TRPC4AP: variants seen among roughly 807,000 people sequenced by gnomAD.
TRPC4AP encodes short transient receptor potential channel 4-associated protein.
A neutral mutation model predicts 99.0 loss-of-function variants in TRPC4AP; 45 were observed. That is an observed-to-expected ratio of 0.45 (90% CI 0.36 to 0.58). TRPC4AP has a LOEUF of 0.58. Among genes scored for constraint, TRPC4AP ranks in the 20% least tolerant of loss-of-function variants. The pLI is 0.00. For missense variants in TRPC4AP, 879 were observed against 985.3 expected (o/e 0.89, Z 1.44); for synonymous variants, 408 against 385.8 (o/e 1.06, Z -0.67).
intron 7 of TRPC4AP, among the ~76,000 whole-genome samples, chr20:35,037,617 G>A (rs897371827): frequency 1.3e-5 from 2 of 152,098 alleles, no homozygotes; most frequent in Non-Finnish European, 2.9e-5. Flanking sequence ...CAACATTAAT[G>A]AACCACAAAA....
rs1405340917 is a variant in TRPC4AP, at chr20:35,024,848, A to AC, written c.1052-3493_1052-3492insG. Among the ~76,000 whole-genome samples the AC allele has an allele frequency of 8.1e-5, 11 of 136,000 alleles. 1 individual carries two copies. The highest frequency in any genetic ancestry group is 2.1e-4 in the African/African-American group (8 of 37,268). 89.2% of individuals were successfully genotyped at this position (136,000 alleles called of 152,430 possible). On this transcript the variant is annotated intron_variant, in intron 8 of 18. Transcript: ENST00000252015. ...CTCAAAAAAAAAAAAAAAAAAAAAAAAAAAAAATTCTGTTTATTCATTAAT... is the reference window on the plus strand; with the variant it reads ...CTCAAAAAAAAAAAAAAAAAAAAAAACAAAAAAATTCTGTTTATTCATTAAT...
rs779234207 is a variant in TRPC4AP at position 35,003,169 on chromosome 20, CTA to C, written c.2369_2370del (p.Ile790ArgfsTer6). The C allele has an allele frequency of 6.1e-5, 99 of 1,614,102 alleles. No homozygotes were observed. Among genetic ancestry groups the C allele is most frequent in the Non-Finnish European group, 7.9e-5 (93 of 1,180,034 alleles). Reference protein sequence around the residue: ...VSYIEEPYMDIDRDFTEE With the variant: ...VSYIEEPYMDXDRDFTEE ...GGTCACTCCTCAGTGAAGTCCCTGT[CTA>C]TGTCCATGTAGGGCTCCTCAATGTA... On this transcript the variant is annotated frameshift_variant, in exon 19 of 19. Transcript: ENST00000252015. LOFTEE classifies it high-confidence loss of function.
At chr20:35,010,155 G>T in intron 12 of TRPC4AP, 32 bp downstream of exon 12, 2 of 1,602,770 alleles carry the variant, frequency 1.2e-6, no homozygotes, top group Non-Finnish European at 1.7e-6. Flanking sequence ...AGCCGGGATG[G>T]GCTGAGGGAA....
At chr20:35,071,213 G>A (rs147155995) in intron 2 of TRPC4AP, among the ~76,000 whole-genome samples, 26 of 152,188 alleles carry the variant, frequency 1.7e-4, no homozygotes, top group African/African-American at 5.5e-4. Flanking sequence ...CTTCACCTCT[G>A]AAGAACACTG....
At position 35,078,793 on chromosome 20, in the gene TRPC4AP, C is replaced by T. The variant is rs776532120; in HGVS notation, c.169-619G>A. ...TAAAAGTAAGGGAAAAGGCCAGGCA[C>T]GGTGGCTCACACCTGTAATCCCAAC... On this transcript the variant is annotated intron_variant, in intron 1 of 18. Coordinates refer to ENST00000252015, the MANE Select transcript of TRPC4AP (RefSeq NM_015638.3). 2.6e-5 allele frequency among the ~76,000 whole-genome samples: 4 copies of T among 152,312 alleles called. No individual in the cohort carries two copies. In the East Asian group the frequency reaches 5.8e-4, roughly 22 times the overall value.
chr20:35,004,586 G>A lies in TRPC4AP; in HGVS notation c.1937-16C>T. On this transcript the variant is annotated splice_polypyrimidine_tract_variant and intron_variant, in intron 16 of 18. Transcript: ENST00000252015. ...ACCTCGGCAACTGTGGAGGGAGGCA[G>A]GGGTGCAGCAGGTCAGGCTTAGGCC... 2 of 1,610,028 alleles carry A rather than the reference G, an allele frequency of 1.2e-6. No homozygotes were observed. The highest frequency in any genetic ancestry group is 1.7e-6 in the Non-Finnish European group (2 of 1,177,574).
intron 10 of TRPC4AP, among the ~76,000 whole-genome samples, chr20:35,015,461 C>CTT (rs57896641): frequency 0.38 from 48,474 of 125,930 alleles, 10,450 homozygotes; most frequent in East Asian, 0.57. Context: ...CAGGCAGGAA[C>CTT]TTTTTTTTTT....
At chr20:35,016,291 C>T in intron 9 of TRPC4AP, 152 bp from the exon 10 acceptor site, 1 of 840,148 alleles carries the variant, frequency 1.2e-6, no homozygotes, top group Non-Finnish European at 1.8e-6. Flanking sequence ...ATCCGTGTAT[C>T]CCCTATGCCC....
chr20:35,092,785 T>C lies in TRPC4AP; in HGVS notation c.-4A>G. On this transcript the variant is annotated 5_prime_UTR_variant, in exon 1 of 19. Transcript: ENST00000252015. Reference sequence around the variant, plus strand: ...CCGCTACCGGCGCCGCCGCCATGTCTCCTCGTCGGACAAACAGGAAGCAAG... The same window carrying C: ...CCGCTACCGGCGCCGCCGCCATGTCCCCTCGTCGGACAAACAGGAAGCAAG... 3 of 1,529,072 alleles carry C rather than the reference T, an allele frequency of 2.0e-6. No homozygotes were observed. Among genetic ancestry groups the C allele is most frequent in the Non-Finnish European group, 2.6e-6 (3 of 1,150,614 alleles). The allele number at this position is 1,529,072 out of a possible 1,614,324, so 94.7% of individuals were successfully genotyped here.
At chr20:35,026,143 A>G (rs1270850042) in intron 8 of TRPC4AP, among the ~76,000 whole-genome samples, 1 of 152,050 alleles carries the variant, frequency 6.6e-6, no homozygotes, top group Non-Finnish European at 1.5e-5. Flanking sequence ...CAATATGTCT[A>G]TCCTCAGGCC....
chr20:35,003,456 T>C lies in TRPC4AP; in HGVS notation c.2210A>G (p.Gln737Arg). ...NNFHNLLRFW[Q>R]QHYLHKDKDS... ...CTTGTCCTTGTGCAGGTAGTGCTGC[T>C]GCCAGAAGCGCAGCAGGTTGTGGAA... Residue 737 changes from glutamine to arginine, a missense_variant, in exon 18 of 19, where the codon CAG (glutamine) becomes CGG (arginine). This residue lies in a region of TRPC4AP where 224 missense variants were observed against 264.7 expected (regional missense o/e 0.85). Coordinates refer to ENST00000252015, the MANE Select transcript of TRPC4AP (RefSeq NM_015638.3). 1.2e-6 allele frequency: 2 copies of C among 1,614,152 alleles called. No homozygotes were observed. The highest frequency in any genetic ancestry group is 2.2e-5 in the South Asian group (2 of 91,092).
intron 9 of TRPC4AP, 149 bp from the exon 10 acceptor site, chr20:35,016,288 T>A: frequency 1.1e-6 from 1 of 888,226 alleles, no homozygotes; most frequent in Non-Finnish European, 1.7e-6. Context: ...AACATCCGTG[T>A]ATCCCCTATG....
intron 2 of TRPC4AP, among the ~76,000 whole-genome samples, chr20:35,069,980 A>T (rs2084261565): frequency 6.6e-6 from 1 of 152,136 alleles, no homozygotes; most frequent in Non-Finnish European, 1.5e-5. Context: ...CGCTCTTGCC[A>T]TCCTGGAACC....
intron 3 of TRPC4AP, among the ~76,000 whole-genome samples, chr20:35,065,456 C>T (rs1267210729): frequency 1.3e-5 from 2 of 152,198 alleles, no homozygotes; most frequent in East Asian, 1.9e-4. Context: ...TAGGGTCAGG[C>T]TGACAAGGAG....
At chr20:35,022,436 G>A (rs1015765176) in intron 8 of TRPC4AP, among the ~76,000 whole-genome samples, 16 of 152,340 alleles carry the variant, frequency 1.1e-4, no homozygotes, top group African/African-American at 2.9e-4. Flanking sequence ...GATTACAGGC[G>A]TGAGCCACGG....
Position 35,042,410 on chromosome 20 carries a change from A to T in TRPC4AP, c.865+2095T>A, listed in dbSNP as rs571654283. Among the ~76,000 whole-genome samples the T allele has an allele frequency of 2.1e-4, 32 of 152,346 alleles. 1 individual carries two copies. The South Asian group carries it at 6.6e-3, about 32-fold the overall frequency. ...GGTTCATATTCAGCCTCAGGAGAGGAGGCTGCTCTGAAGCACTTGATAACT... is the reference window on the plus strand; with the variant it reads ...GGTTCATATTCAGCCTCAGGAGAGGTGGCTGCTCTGAAGCACTTGATAACT... On this transcript the variant is annotated intron_variant, in intron 7 of 18. Coordinates refer to ENST00000252015, the MANE Select transcript of TRPC4AP (RefSeq NM_015638.3).
At chr20:35,019,954 T>C (rs1276930475) in intron 9 of TRPC4AP, among the ~76,000 whole-genome samples, 1 of 152,070 alleles carries the variant, frequency 6.6e-6, no homozygotes, top group Non-Finnish European at 1.5e-5. Context: ...CAACTCCCCA[T>C]CTTCCTCCCT....
At chr20:35,068,614 C>T (rs560874232) in intron 3 of TRPC4AP, among the ~76,000 whole-genome samples, 29 of 152,062 alleles carry the variant, frequency 1.9e-4, no homozygotes, top group African/African-American at 3.9e-4. Context: ...CTCTGCCTCC[C>T]GGCTTCAAGC....
At chr20:35,050,737 CCAA>C (rs969144284) in intron 5 of TRPC4AP, among the ~76,000 whole-genome samples, 11 of 150,180 alleles carry the variant, frequency 7.3e-5, no homozygotes, top group African/African-American at 2.4e-4. Flanking sequence ...AACAAAAAAA[CCAA>C]CAACAACAAA....
Sources: allele counts gnomAD v4.1 joint callset (sites outside exome capture counted in the v4.1 genomes callset), GRCh38; gene constraint gnomAD v4.1.1; regional missense constraint gnomAD v4.1.1; transcripts MANE v1.5; gene names NCBI Gene and HGNC (gene_info 2026-07-23, HGNC 2026-07-21).